CDH15: variants seen among roughly 807,000 people sequenced by gnomAD.
CDH15 encodes cadherin-15.
A neutral mutation model predicts 69.4 loss-of-function variants in CDH15; 73 were observed. The observed-to-expected ratio is 1.05, with a 90% CI of 0.87 to 1.28. The LOEUF is 1.28. CDH15 is among the 50% of genes most tolerant of loss of function. The pLI, the probability that CDH15 is intolerant of heterozygous loss-of-function variation, is 0.00. For synonymous variants in CDH15, 624 were observed against 507.7 expected, an observed-to-expected ratio of 1.23 and a Z score of -3.08; for missense variants, 1,343 against 1,133.6, an observed-to-expected ratio of 1.18 and a Z score of -2.65.
rs1233804657 is a variant in CDH15 at position 89,192,294 on chromosome 16, C to T, written c.1705C>T (p.Gln569Ter). The T allele has an allele frequency of 1.8e-5, 27 of 1,532,484 alleles. No individual in the cohort carries two copies. The highest frequency in any genetic ancestry group is 2.2e-5 in the Non-Finnish European group (25 of 1,145,996). The allele number at this position is 1,532,484 out of a possible 1,614,324, so 94.9% of individuals were successfully genotyped here. ...GCTCCGGGACTCGGGGCAGCCGCCCCAGCAGCGCGAGCAGCCTCTGAACGT... is the reference window on the plus strand; with the variant it reads ...GCTCCGGGACTCGGGGCAGCCGCCCTAGCAGCGCGAGCAGCCTCTGAACGT... ...LLLRDSGQPPQQREQPLNVTV... is the reference protein window; with the variant it reads ...LLLRDSGQPP Residue 569 changes from glutamine to a stop codon, truncating the protein, a stop_gained, in exon 11 of 14, where the codon CAG becomes TAG. Coordinates refer to ENST00000289746, the MANE Select transcript of CDH15 (RefSeq NM_004933.3). LOFTEE classifies it high-confidence loss of function.
intron 2 of CDH15, among the ~76,000 whole-genome samples, 185 bp from the exon 3 acceptor site, chr16:89,180,015 T>C (rs1343858791): frequency 6.6e-6 from 1 of 152,164 alleles, no homozygotes; most frequent in African/African-American, 2.4e-5. Flanking sequence ...GGGGCACCCT[T>C]GGGGCCACAG....
chr16:89,171,824 C>T lies in CDH15; in HGVS notation c.-8C>T, dbSNP rs1001603563. 8.4e-6 allele frequency: 13 copies of T among 1,555,230 alleles called. No homozygotes were observed. The highest frequency in any genetic ancestry group is 1.9e-5 in the Admixed American group (1 of 52,718). On this transcript the variant is annotated 5_prime_UTR_variant, in exon 1 of 14. Transcript: ENST00000289746. The stretch of plus-strand genomic sequence containing the variant: ...GTGCACTCCGGCCCGGCTCCCGCCT[C>T]GGCCCCGATGGACGCCGCGTTCCTC...
chr16:89,185,434 C>A, intron 5 of CDH15, 101 bp downstream of exon 5: 1 of 1,307,474 alleles, frequency 7.6e-7, no homozygotes, highest in Non-Finnish European at 1.1e-6. Context: ...CGCTCCTGTC[C>A]CTGCCGTCAC....
Position 89,183,555 on chromosome 16 carries a change from C to T in CDH15, c.365C>T (p.Ala122Val), listed in dbSNP as rs121434541. 1.4e-4 allele frequency: 224 copies of T among 1,614,124 alleles called. 1 individual carries two copies. In the African/African-American group the frequency reaches 2.1e-3, roughly 15 times the overall value. The change falls in exon 4 of 14, where the codon GCG becomes GTG. Residue 122 changes from alanine (A) to valine (V), a missense_variant. Coordinates refer to ENST00000289746, the MANE Select transcript of CDH15 (RefSeq NM_004933.3). ...TGCTCTATGTTTGAACAGCTAAGAG[C>T]GTTTGCCCTGGACCTGGGAGGATCC... is the stretch of plus-strand genomic sequence containing the variant. The part of the protein sequence containing the change: ...REKTDRFRLR[A>V]FALDLGGSTL...
At chr16:89,194,357 C>T (rs918257991) in intron 13 of CDH15, among the ~76,000 whole-genome samples, 1 of 152,230 alleles carries the variant, frequency 6.6e-6, no homozygotes, top group African/African-American at 2.4e-5. Context: ...GGGAACCCTC[C>T]TCTGTGCCTG....
intron 3 of CDH15, chr16:89,182,562 A>C (rs1489120964): frequency 6.6e-6 from 1 of 151,722 alleles, no homozygotes; most frequent in African/African-American, 2.4e-5. Context: ...GAATCACTTG[A>C]ACCCAGGAAG....
At chr16:89,184,268 GC>G (rs1468761242) in intron 4 of CDH15, among the ~76,000 whole-genome samples, 16 of 152,126 alleles carry the variant, frequency 1.1e-4, no homozygotes, top group Non-Finnish European at 2.1e-4. Flanking sequence ...GCCTCGTTCT[GC>G]CCCAGGTGAC....
Position 89,193,856 on chromosome 16 carries a change from C to T in CDH15, c.2094C>T (p.Pro698=). 9 of 1,611,968 alleles carry T rather than the reference C, an allele frequency of 5.6e-6. No individual in the cohort carries two copies. Among genetic ancestry groups the T allele is most frequent in the Non-Finnish European group, 7.6e-6 (9 of 1,179,764 alleles). The change falls in exon 13 of 14, where the codon CCC becomes CCT. Residue 698 remains proline, a synonymous_variant. Coordinates refer to ENST00000289746, the MANE Select transcript of CDH15 (RefSeq NM_004933.3). Reference sequence around the variant, plus strand: ...ATGCCCCGCAGGGCCGCCTGCACCCCCAGCCACCCCGAGTGCTGCCCACCA... The same window carrying T: ...ATGCCCCGCAGGGCCGCCTGCACCCTCAGCCACCCCGAGTGCTGCCCACCA... ...RRDAPQGRLH[P]QPPRVLPTSP...
intron 13 of CDH15, 71 bp from the exon 14 acceptor site, chr16:89,194,791 G>C (rs1447450748): frequency 6.7e-7 from 1 of 1,482,860 alleles, no homozygotes; most frequent in African/African-American, 1.4e-5. Flanking sequence ...CTTTGCCCTG[G>C]GCTGTGGCCA....
Position 89,191,641 on chromosome 16 carries a change from C to T in CDH15, c.1376-14C>T. ...GGTGTTGGGGTCACTAAGCCGCGGC[C>T]TCCTCGCCTGCAGCCTCCCAGCCCC... On this transcript the variant is annotated splice_polypyrimidine_tract_variant and intron_variant, in intron 9 of 13. Coordinates refer to ENST00000289746, the MANE Select transcript of CDH15 (RefSeq NM_004933.3). 6.3e-7 allele frequency: 1 copy of T among 1,576,276 alleles called. No homozygotes were observed. Among genetic ancestry groups the T allele is most frequent in the Non-Finnish European group, 8.6e-7 (1 of 1,166,478 alleles).
chr16:89,190,504 TC>T lies in CDH15; in HGVS notation c.1232+10del. 6.3e-7 allele frequency: 1 copy of T among 1,585,264 alleles called. No individual in the cohort carries two copies. Among genetic ancestry groups the T allele is most frequent in the South Asian group, 1.1e-5 (1 of 87,168 alleles). ...GCAGCTGCAGAGGCTCAGGTGGGGC[TC>T]CTGAGGCCCTGGGAGAGGTAGAGGA... On this transcript the variant is annotated intron_variant, in intron 8 of 13. Transcript: ENST00000289746.
intron 4 of CDH15, among the ~76,000 whole-genome samples, chr16:89,184,826 C>A (rs1915447554): frequency 6.6e-6 from 1 of 152,222 alleles, no homozygotes; most frequent in South Asian, 2.1e-4. Flanking sequence ...CCCTTAGCCC[C>A]TGCACTGGGC....
chr16:89,176,162 C>G (rs1198781427), intron 1 of CDH15, among the ~76,000 whole-genome samples: 1 of 152,242 alleles, frequency 6.6e-6, no homozygotes, highest in Non-Finnish European at 1.5e-5. Context: ...CCTTCCCGGC[C>G]CCCGCCCACT....
Position 89,193,920 on chromosome 16 carries a change from G to A in CDH15, c.2151+7G>A, listed in dbSNP as rs1915721990. Reference sequence around the variant, plus strand: ...CGCCGACTTCATCAATGATGTAGGTGCTCCTGGGGACACCCCAGTACACAC... The same window carrying A: ...CGCCGACTTCATCAATGATGTAGGTACTCCTGGGGACACCCCAGTACACAC... On this transcript the variant is annotated splice_region_variant and intron_variant, in intron 13 of 13. Transcript: ENST00000289746. The A allele has an allele frequency of 1.2e-6, 2 of 1,611,660 alleles. No homozygotes were observed. Among genetic ancestry groups the A allele is most frequent in the East Asian group, 2.2e-5 (1 of 44,840 alleles).
chr16:89,191,459 G>A lies in CDH15; in HGVS notation c.1362G>A (p.Leu454=), dbSNP rs1915638991. 2 of 1,612,522 alleles carry A rather than the reference G, an allele frequency of 1.2e-6. No individual in the cohort carries two copies. Among genetic ancestry groups the A allele is most frequent in the Non-Finnish European group, 1.7e-6 (2 of 1,179,954 alleles). Residue 454 remains leucine (L), a synonymous_variant, in exon 9 of 14, where the codon CTG becomes CTA. Coordinates refer to ENST00000289746, the MANE Select transcript of CDH15 (RefSeq NM_004933.3). The part of the protein sequence containing the change: ...LKGGWYRAIV[L]AQDDASQPRT... ...GCGGCTGGTACAGAGCCATCGTCCT[G>A]GCCCAGGATGACGGTGAGCGGCGCC...
rs749074344 is a variant in CDH15 at position 89,193,919 on chromosome 16, T to G, written c.2151+6T>G. ...TCGCCGACTTCATCAATGATGTAGG[T>G]GCTCCTGGGGACACCCCAGTACACA... On this transcript the variant is annotated splice_donor_region_variant and intron_variant, in intron 13 of 13. Coordinates refer to ENST00000289746, the MANE Select transcript of CDH15 (RefSeq NM_004933.3). 3 of 1,611,488 alleles carry G rather than the reference T, an allele frequency of 1.9e-6. No homozygotes were observed. Among genetic ancestry groups the G allele is most frequent in the Non-Finnish European group, 8.5e-7 (1 of 1,179,642 alleles).
intron 3 of CDH15, 113 bp downstream of exon 3, chr16:89,180,468 G>A (rs1005809887): frequency 2.9e-5 from 36 of 1,221,740 alleles, no homozygotes; most frequent in Middle Eastern, 2.5e-4. Context: ...AGGCCAGACT[G>A]CAAGATCCAG....
In CDH15 at chr16:89,193,591, C is replaced by A. The variant is rs200178583; in HGVS notation, c.1977C>A (p.Gly659=). The change falls in exon 12 of 14, where the codon GGC becomes GGA. Residue 659 remains glycine (G), a synonymous_variant. Transcript: ENST00000289746. ...DNVLNYDEQG[G]GEEDQDAYDI... ...TCCTCAACTACGATGAGCAAGGAGG[C>A]GGGGAGGAGGACCAGGTGAGGGGGC... 2.2e-6 allele frequency: 3 copies of A among 1,362,074 alleles called. No homozygotes were observed. The highest frequency in any genetic ancestry group is 3.1e-6 in the Non-Finnish European group (3 of 957,758). The allele number at this position is 1,362,074 out of a possible 1,614,324, so 84.4% of individuals were successfully genotyped here. A position where few individuals can be genotyped will look rare whatever the true frequency, so the allele number is the denominator to read the frequency against.
At chr16:89,193,373 TGCCCC>T (rs1915703154) in intron 11 of CDH15, 92 bp from the exon 12 acceptor site, 4 of 669,058 alleles carry the variant, frequency 6.0e-6, no homozygotes, top group Non-Finnish European at 7.2e-6. Flanking sequence ...TTACCAGCCT[TGCCCC>T]GCCCCGCCCC....
Sources: gnomAD v4.1 joint callset for allele counts (sites outside exome capture counted in the v4.1 genomes callset) on GRCh38, gnomAD v4.1.1 for gene constraint, MANE v1.5 for transcripts, NCBI Gene and HGNC (gene_info 2026-07-23, HGNC 2026-07-21) for gene names.